Variants in PCLO observed in about 807,000 individuals in gnomAD.
PCLO encodes the protein piccolo presynaptic cytomatrix protein, also known as protein piccolo.
Under a neutral mutation model 427.5 loss-of-function variants are expected in PCLO, and 82 were observed. That is an observed-to-expected ratio of 0.19 (90% CI 0.16 to 0.23). The LOEUF is 0.23. Among genes scored for constraint, PCLO ranks in the 10% least tolerant of loss-of-function variants. PCLO has a pLI of 1.00. For missense variants in PCLO, 6,239 were observed against 6,115.9 expected (o/e 1.02, Z -0.67); for synonymous variants, 2,357 against 2,155.4 (o/e 1.09, Z -2.59).
At chr7:82,903,365 A>C (rs1267741010) in intron 8 of PCLO, among the ~76,000 whole-genome samples, 1 of 152,016 alleles carries the variant, frequency 6.6e-6, no homozygotes, top group Non-Finnish European at 1.5e-5. Context: ...TAAAATTCAA[A>C]GCTTGCATTA....
At chr7:83,061,545 C>T (rs1403647443) in intron 3 of PCLO, among the ~76,000 whole-genome samples, 1 of 152,170 alleles carries the variant, frequency 6.6e-6, no homozygotes, top group Non-Finnish European at 1.5e-5. Flanking sequence ...TTACAAAAGG[C>T]ATGTGTACAA....
At chr7:82,965,397 T>A (rs898387772) in intron 4 of PCLO, among the ~76,000 whole-genome samples, 1 of 151,644 alleles carries the variant, frequency 6.6e-6, no homozygotes, top group African/African-American at 2.4e-5. Flanking sequence ...AACAAATGGT[T>A]AAGTAAACAG....
At chr7:82,769,360 A>G (rs1377028074) in intron 22 of PCLO, among the ~76,000 whole-genome samples, 6 of 152,192 alleles carry the variant, frequency 3.9e-5, no homozygotes, top group African/African-American at 1.2e-4. Context: ...CAATAAACAC[A>G]GCAATGCTTT....
chr7:82,911,372 T>G (rs2116242050), intron 7 of PCLO, among the ~76,000 whole-genome samples: 1 of 152,178 alleles, frequency 6.6e-6, no homozygotes, highest in South Asian at 2.1e-4. Flanking sequence ...AAAATCTCAG[T>G]GAAAAAGTAA....
rs1268062788 is a variant in PCLO, at chr7:83,155,908, C to T, written c.733G>A (p.Glu245Lys). The change falls in exon 2 of 25, where the codon GAA (glutamate) becomes AAA (lysine). Residue 245 changes from glutamate (E) to lysine (K), a missense_variant. Coordinates refer to ENST00000333891, the MANE Select transcript of PCLO (RefSeq NM_033026.6). Reference sequence around the variant, plus strand: ...CCTGGAGGTTGTGATTTAATTTTTTCTGGTTGTTGAGAAGATATTGATTTG... The same window carrying T: ...CCTGGAGGTTGTGATTTAATTTTTTTTGGTTGTTGAGAAGATATTGATTTG... ...TPKSISSQQPEKIKSQPPGTG... is the reference protein window; with the variant it reads ...TPKSISSQQPKKIKSQPPGTG... 2 of 1,613,680 alleles carry T rather than the reference C, an allele frequency of 1.2e-6. No individual in the cohort carries two copies. The highest frequency in any genetic ancestry group is 1.7e-6 in the Non-Finnish European group (2 of 1,179,868).
At chr7:83,069,799 C>CACACACACACACACACA (rs1554390633) in intron 3 of PCLO, among the ~76,000 whole-genome samples, 10 of 75,514 alleles carry the variant, frequency 1.3e-4, no homozygotes, top group African/African-American at 5.6e-4. Flanking sequence ...ACCCCCCCGC[C>CACACACACACACACACA]CACACACACA....
intron 3 of PCLO, among the ~76,000 whole-genome samples, chr7:82,976,114 C>G (rs1165688934): frequency 6.6e-6 from 1 of 152,094 alleles, no homozygotes; most frequent in African/African-American, 2.4e-5. Context: ...TTTTGTATAC[C>G]CAGAGAATCT....
intron 3 of PCLO, among the ~76,000 whole-genome samples, chr7:83,029,436 G>A (rs1261826935): frequency 7.1e-6 from 1 of 140,438 alleles, no homozygotes; most frequent in East Asian, 2.1e-4. Context: ...AGTTAGAATG[G>A]CAATCATTAA....
chr7:82,798,171 T>A (rs573403622), intron 22 of PCLO, among the ~76,000 whole-genome samples: 1 of 152,138 alleles, frequency 6.6e-6, no homozygotes, highest in African/African-American at 2.4e-5. Flanking sequence ...TTTCTTAGAG[T>A]GGACTAAGGT....
intron 2 of PCLO, among the ~76,000 whole-genome samples, chr7:83,142,116 T>C (rs1337485980): frequency 6.6e-6 from 1 of 151,952 alleles, no homozygotes; most frequent in Non-Finnish European, 1.5e-5. Context: ...ACTGGAAAAT[T>C]TAAACACATC....
intron 3 of PCLO, among the ~76,000 whole-genome samples, chr7:83,069,799 CCACACACACA>C (rs68086847): frequency 2.6e-5 from 2 of 75,516 alleles, no homozygotes; most frequent in African/African-American, 1.1e-4. Context: ...ACCCCCCCGC[CCACACACACA>C]CACACACACA....
At position 82,841,524 on chromosome 7, in the gene PCLO, A is replaced by G; in HGVS notation, c.14047-15T>C. 1 of 1,418,370 alleles carries G rather than the reference A, an allele frequency of 7.1e-7. No homozygotes were observed. Among genetic ancestry groups the G allele is most frequent in the Non-Finnish European group, 1.0e-6 (1 of 1,004,892 alleles). 87.9% of individuals were successfully genotyped at this position (1,418,370 alleles called of 1,614,324 possible). A position where few individuals can be genotyped will look rare whatever the true frequency, so the allele number is the denominator to read the frequency against. ...CCATCGGTAGGCTGTAATATTAAAG[A>G]ACATATATTACATTAATAGATACAT... is the stretch of plus-strand genomic sequence containing the variant. On this transcript the variant is annotated splice_polypyrimidine_tract_variant and intron_variant, in intron 13 of 24. Coordinates refer to ENST00000333891, the MANE Select transcript of PCLO (RefSeq NM_033026.6).
chr7:82,949,197 T>C (rs1019584146), intron 6 of PCLO, among the ~76,000 whole-genome samples: 9 of 152,150 alleles, frequency 5.9e-5, no homozygotes, highest in African/African-American at 2.2e-4. Context: ...AATAAACTCA[T>C]TTTGCTTCAC....
At chr7:82,799,662 C>T (rs1199308655) in intron 22 of PCLO, among the ~76,000 whole-genome samples, 1 of 152,114 alleles carries the variant, frequency 6.6e-6, no homozygotes, top group Non-Finnish European at 1.5e-5. Flanking sequence ...TGGTTTTGAT[C>T]AGGCACTGGC....
intron 6 of PCLO, among the ~76,000 whole-genome samples, chr7:82,943,040 T>C (rs1407599405): frequency 2.0e-5 from 3 of 152,122 alleles, no homozygotes; most frequent in Non-Finnish European, 4.4e-5. Flanking sequence ...CTTAAATCAT[T>C]ATACTCTGGA....
At chr7:83,146,747 CCCA>C (rs1329736946) in intron 2 of PCLO, among the ~76,000 whole-genome samples, 2 of 151,936 alleles carry the variant, frequency 1.3e-5, no homozygotes, top group Non-Finnish European at 2.9e-5. Flanking sequence ...ATTACAGGTG[CCCA>C]CCACCACGCC....
chr7:83,067,279 T>G (rs978775422), intron 3 of PCLO, among the ~76,000 whole-genome samples: 2 of 152,136 alleles, frequency 1.3e-5, no homozygotes, highest in African/African-American at 4.8e-5. Context: ...AGATTACACA[T>G]GAAAAGGGGT....
intron 3 of PCLO, among the ~76,000 whole-genome samples, chr7:83,092,938 C>G (rs1790417085): frequency 9.3e-6 from 1 of 107,374 alleles, no homozygotes; most frequent in South Asian, 3.1e-4. Flanking sequence ...CAGAGCAAGA[C>G]TCTGTCTCAA....
In PCLO at chr7:82,916,140, G is replaced by C; in HGVS notation, c.11846C>G (p.Ser3949Cys). The C allele has an allele frequency of 6.2e-7, 1 of 1,613,644 alleles. No individual in the cohort carries two copies. Among genetic ancestry groups the C allele is most frequent in the Non-Finnish European group, 8.5e-7 (1 of 1,179,736 alleles). The change falls in exon 7 of 25, where the codon TCT (serine) becomes TGT (cysteine). Residue 3949 changes from serine to cysteine, a missense_variant. Coordinates refer to ENST00000333891, the MANE Select transcript of PCLO (RefSeq NM_033026.6). ...QVQPTPTPQPSYQLPSQMMVI... is the reference protein window; with the variant it reads ...QVQPTPTPQPCYQLPSQMMVI... ...CATCATCTGTGAAGGTAACTGATAA[G>C]AAGGCTGTGGGGTTGGTGTAGGTTG...
Sources: gnomAD v4.1 joint callset for allele counts (sites outside exome capture counted in the v4.1 genomes callset) on GRCh38, gnomAD v4.1.1 for gene constraint, MANE v1.5 for transcripts, NCBI Gene and HGNC (gene_info 2026-07-23, HGNC 2026-07-21) for gene names.